Variants in CAMTA2 observed in about 807,000 individuals in gnomAD.
The protein encoded by CAMTA2 is calmodulin binding transcription activator 2.
A neutral mutation model predicts 135.7 loss-of-function variants in CAMTA2; 56 were observed. That is an observed-to-expected ratio of 0.41 (90% confidence interval 0.33 to 0.52). CAMTA2 has a LOEUF of 0.52. Ranked by LOEUF, CAMTA2 falls within the 20% of genes least tolerant of loss-of-function variation. The pLI is 0.16. For missense variants in CAMTA2, 1,358 were observed against 1,553.4 expected, an observed-to-expected ratio of 0.87 and a Z score of 2.11; for synonymous variants, 591 against 604.6, an observed-to-expected ratio of 0.98 and a Z score of 0.33.
intron 10 of CAMTA2, among the ~76,000 whole-genome samples, chr17:4,977,778 G>A (rs942855631): frequency 6.6e-6 from 1 of 152,208 alleles, no homozygotes; most frequent in Non-Finnish European, 1.5e-5. Flanking sequence ...GGTGGTCCTT[G>A]AGGTCCCCTA....
chr17:4,980,467 C>G lies in CAMTA2; in HGVS notation c.855G>C (p.Lys285Asn). ...LIAPLPPELP[K>N]AHTSPSSSSS... ...AGGAAGAAGATGGGGAGGTGTGTGC[C>G]TTGGGGAGCTCTGGGGGAAGTGGGG... is the stretch of plus-strand genomic sequence containing the variant. Residue 285 changes from lysine (K) to asparagine (N), a missense_variant, in exon 9 of 23, where the codon AAG (lysine) becomes AAC (asparagine). Lys to Asn is a moderately conservative substitution (Grantham distance 94, BLOSUM62 0). Transcript: ENST00000348066. The surrounding 1 kb of genome is among the most constrained non-coding windows in gnomAD (Gnocchi z 5.3). 6.3e-7 allele frequency: 1 copy of G among 1,598,658 alleles called. No individual in the cohort carries two copies. Among genetic ancestry groups the G allele is most frequent in the Non-Finnish European group, 8.5e-7 (1 of 1,175,048 alleles).
intron 11 of CAMTA2, among the ~76,000 whole-genome samples, chr17:4,975,682 C>T (rs890512683): frequency 1.3e-5 from 2 of 152,000 alleles, no homozygotes; most frequent in African/African-American, 4.8e-5. Context: ...AGGACCAGAG[C>T]TCCGGAGAGA....
Position 4,969,579 on chromosome 17 carries a change from G to C in CAMTA2, c.3261+51C>G. 2.5e-6 allele frequency: 4 copies of C among 1,613,420 alleles called. No homozygotes were observed. Among genetic ancestry groups the C allele is most frequent in the Non-Finnish European group, 3.4e-6 (4 of 1,179,350 alleles). On this transcript the variant is annotated intron_variant, in intron 19 of 22. Transcript: ENST00000348066. This position sits in a 1 kb window ranked among gnomAD's most constrained non-coding sequence, Gnocchi z 5.6. ...CAACATTCTGGAATGGTTAGGCGTG[G>C]GTGTGGGTTGGTGGGTTGCTGGTTA...
chr17:4,983,252 A>C, intron 3 of CAMTA2: 1 of 537,406 alleles, frequency 1.9e-6, no homozygotes, highest in Non-Finnish European at 3.4e-6. Context: ...TTTGTGAATT[A>C]TTTTACTCTC....
In CAMTA2 at chr17:4,974,548, C is replaced by T. The variant is rs751407974; in HGVS notation, c.1901-48G>A. On this transcript the variant is annotated intron_variant, in intron 11 of 22. Coordinates refer to ENST00000348066, the MANE Select transcript of CAMTA2 (RefSeq NM_015099.4). The stretch of plus-strand genomic sequence containing the variant: ...GGCTGAGTGGGCAGTCTAGGTGATG[C>T]CCTGAACACCAAAAGTAGACCTGTC... The T allele has an allele frequency of 7.2e-6, 8 of 1,104,610 alleles. No individual in the cohort carries two copies. In the Admixed American group the frequency reaches 1.2e-4, roughly 16 times the overall value. 68.4% of individuals were successfully genotyped at this position (1,104,610 alleles called of 1,614,324 possible). A position where few individuals can be genotyped will look rare whatever the true frequency, so the allele number is the denominator to read the frequency against.
At chr17:4,986,682 C>A (rs1279123138) in intron 1 of CAMTA2, 1 of 539,640 alleles carries the variant, frequency 1.9e-6, no homozygotes, top group Non-Finnish European at 3.3e-6. Flanking sequence ...ATCCTGGGGG[C>A]AGGGCAGGAG....
At chr17:4,974,694 A>G (rs1972512435) in intron 11 of CAMTA2, 194 bp from the exon 12 acceptor site, 1 of 541,226 alleles carries the variant, frequency 1.8e-6, no homozygotes, top group African/African-American at 1.9e-5. Context: ...AGGGCTGTTA[A>G]TACTACCCAC....
chr17:4,972,312 G>A lies in CAMTA2; in HGVS notation c.2728C>T (p.Leu910Phe), dbSNP rs1177620197. Reference protein sequence around the residue: ...ATNSKGPLSSLPALPPASDDG... With the variant: ...ATNSKGPLSSFPALPPASDDG... Reference sequence around the variant, plus strand: ...TCTGAAGCTGGTGGGAGGGCAGGAAGGGAGGAGAGGGGCCCCTTGGAGTTG... The same window carrying A: ...TCTGAAGCTGGTGGGAGGGCAGGAAAGGAGGAGAGGGGCCCCTTGGAGTTG... The change falls in exon 16 of 23, where the codon CTT becomes TTT. Residue 910 changes from leucine (L) to phenylalanine (F), a missense_variant. By Grantham distance (22) the Leu-to-Phe change is conservative (BLOSUM62 0). This residue lies in a region of CAMTA2 where 1,077 missense variants were observed against 1,127.5 expected (regional missense o/e 0.96). Transcript: ENST00000348066. The A allele has an allele frequency of 6.2e-7, 1 of 1,613,890 alleles. No individual in the cohort carries two copies. Among genetic ancestry groups the A allele is most frequent in the African/African-American group, 1.3e-5 (1 of 75,030 alleles).
chr17:4,976,247 C>CCA (rs1445849572), intron 11 of CAMTA2, among the ~76,000 whole-genome samples: 1 of 151,928 alleles, frequency 6.6e-6, no homozygotes, highest in African/African-American at 2.4e-5. Context: ...CTCAGGTGAT[C>CCA]CACCCGCCTT....
In CAMTA2 at chr17:4,970,687, ATGGGGCTCCCACT is replaced by A. The variant is rs1176547884; in HGVS notation, c.2809-164_2809-152del. 18 of 648,314 alleles carry A rather than the reference ATGGGGCTCCCACT, an allele frequency of 2.8e-5. No individual in the cohort carries two copies. In the Admixed American group the frequency reaches 4.3e-4, roughly 15 times the overall value. The allele number at this position is 648,314 out of a possible 1,614,324, so 40.2% of individuals were successfully genotyped here. A position where few individuals can be genotyped will look rare whatever the true frequency, so the allele number is the denominator to read the frequency against. On this transcript the variant is annotated intron_variant, in intron 16 of 22. Coordinates refer to ENST00000348066, the MANE Select transcript of CAMTA2 (RefSeq NM_015099.4). ...GTTCCAGACTCATTCATTTATACTG[ATGGGGCTCCCACT>A]TGGGGGTCCCTCTGTGCTGAGATGC...
At chr17:4,978,228 A>G (rs947765083) in intron 10 of CAMTA2, among the ~76,000 whole-genome samples, 1 of 152,154 alleles carries the variant, frequency 6.6e-6, no homozygotes, top group African/African-American at 2.4e-5. Flanking sequence ...CTTACAGGAG[A>G]GGAGGCCAAG....
Position 4,978,558 on chromosome 17 carries a change from T to C in CAMTA2, c.1711A>G (p.Ile571Val), listed in dbSNP as rs1295593575. Residue 571 changes from isoleucine (I) to valine (V), a missense_variant, in exon 10 of 23, where the codon ATC becomes GTC. Ile to Val is a conservative substitution (Grantham distance 29, BLOSUM62 3). Coordinates refer to ENST00000348066, the MANE Select transcript of CAMTA2 (RefSeq NM_015099.4). Reference sequence around the variant, plus strand: ...TGGACAAGTGAGGCTGGCACTGCGATGTGATCAAAGACACAGGAGTAATGC... The same window carrying C: ...TGGACAAGTGAGGCTGGCACTGCGACGTGATCAAAGACACAGGAGTAATGC... Reference protein sequence around the residue: ...AEHYSCVFDHIAVPASLVQPG... With the variant: ...AEHYSCVFDHVAVPASLVQPG... The C allele has an allele frequency of 5.6e-6, 9 of 1,614,082 alleles. No individual in the cohort carries two copies. Among genetic ancestry groups the C allele is most frequent in the African/African-American group, 1.3e-5 (1 of 74,928 alleles).
Position 4,974,387 on chromosome 17 carries a change from G to C in CAMTA2, c.2014C>G (p.Gln672Glu), listed in dbSNP as rs369189159. Residue 672 changes from glutamine to glutamate, a missense_variant and splice_region_variant, in exon 12 of 23, where the codon CAG becomes GAG. Gln to Glu is a conservative substitution (Grantham distance 29, BLOSUM62 2). Transcript: ENST00000348066. ...PCQGPDAPPV[Q>E]DEGQGPGFEA... ...CACCTCCCTCCTCACAGAAGTACCT[G>C]AACTGGAGGAGCATCAGGACCCTGG... 36 of 1,601,144 alleles carry C rather than the reference G, an allele frequency of 2.2e-5. No homozygotes were observed. The highest frequency in any genetic ancestry group is 3.0e-5 in the Non-Finnish European group (35 of 1,168,490).
chr17:4,975,435 T>C (rs1284985928), intron 11 of CAMTA2, among the ~76,000 whole-genome samples: 2 of 151,972 alleles, frequency 1.3e-5, no homozygotes, highest in East Asian at 3.9e-4. Context: ...GTTAAGATAT[T>C]GGTTCAAGAA....
intron 11 of CAMTA2, among the ~76,000 whole-genome samples, chr17:4,975,926 C>T (rs189651185): frequency 2.0e-5 from 3 of 152,318 alleles, no homozygotes; most frequent in Non-Finnish European, 4.4e-5. Context: ...CATAGATACA[C>T]GTATGTATGT....
At position 4,972,860 on chromosome 17, in the gene CAMTA2, G is replaced by T. The variant is rs138599475; in HGVS notation, c.2412C>A (p.Arg804=). 3 of 1,613,768 alleles carry T rather than the reference G, an allele frequency of 1.9e-6. No individual in the cohort carries two copies. The African/African-American group carries it at 4.0e-5, about 22-fold the overall frequency. Reference sequence around the variant, plus strand: ...GTAGTTCCTCAAGGCAGCGGGCAAGGCGCACATGACCCCGGGAATGAGCCA... The same window carrying T: ...GTAGTTCCTCAAGGCAGCGGGCAAGTCGCACATGACCCCGGGAATGAGCCA... ...LSVAHSRGHV[R]LARCLEELQR... is the part of the protein sequence containing the mutation. Residue 804 remains arginine (R), a synonymous_variant, in exon 15 of 23, where the codon CGC becomes CGA. Coordinates refer to ENST00000348066, the MANE Select transcript of CAMTA2 (RefSeq NM_015099.4).
chr17:4,982,072 G>A lies in CAMTA2; in HGVS notation c.411+17C>T. The A allele has an allele frequency of 6.3e-7, 1 of 1,599,378 alleles. No homozygotes were observed. The highest frequency in any genetic ancestry group is 8.6e-7 in the Non-Finnish European group (1 of 1,166,862). ...GAGTCAGGAAGAGGGTGGCTCCCTG[G>A]GCTCTTCCGTCCTTACCTGGAGCAG... On this transcript the variant is annotated intron_variant, in intron 6 of 22. Transcript: ENST00000348066.
chr17:4,970,489 C>T lies in CAMTA2; in HGVS notation c.2856G>A (p.Glu952=), dbSNP rs1477296373. 1.2e-6 allele frequency: 2 copies of T among 1,613,806 alleles called. No homozygotes were observed. Among genetic ancestry groups the T allele is most frequent in the Admixed American group, 1.7e-5 (1 of 60,014 alleles). ...LAKQIIEATP[E]RIKREDFVGL... Reference sequence around the variant, plus strand: ...CCACGAAGTCCTCTCGTTTAATCCGCTCCGGTGTGGCTTCGATGATCTGCT... The same window carrying T: ...CCACGAAGTCCTCTCGTTTAATCCGTTCCGGTGTGGCTTCGATGATCTGCT... Residue 952 remains glutamate, a synonymous_variant, in exon 17 of 23, where the codon GAG becomes GAA. Coordinates refer to ENST00000348066, the MANE Select transcript of CAMTA2 (RefSeq NM_015099.4).
intron 17 of CAMTA2, 39 bp from the exon 18 acceptor site, chr17:4,970,124 G>T (rs1425799170): frequency 6.3e-7 from 1 of 1,592,676 alleles, no homozygotes; most frequent in Non-Finnish European, 8.6e-7. Flanking sequence ...TGAAGCATCT[G>T]AAGTCCCTCC....
Sources: gnomAD v4.1 joint callset for allele counts (sites outside exome capture counted in the v4.1 genomes callset) on GRCh38, gnomAD v4.1.1 for gene constraint, gnomAD v4.1.1 regional missense constraint, Gnocchi (gnomAD v3.1) non-coding constraint, MANE v1.5 for transcripts, NCBI Gene and HGNC (gene_info 2026-07-23, HGNC 2026-07-21) for gene names.